Variants in NUP58 observed in about 807,000 individuals in gnomAD.
The protein encoded by NUP58 is nucleoporin 58.
NUP58 carries 17 observed loss-of-function variants against 70.1 expected under a neutral mutation model. The ratio of observed to expected loss-of-function variants is 0.24; its 90% CI spans 0.17 to 0.36. NUP58 has a LOEUF of 0.36. NUP58 is among the 10% of genes least tolerant of loss of function. NUP58 has a pLI of 1.00. For synonymous variants in NUP58, 275 were observed against 257.6 expected (o/e 1.07, Z -0.65); for missense variants, 644 against 701.5 (o/e 0.92, Z 0.93).
intron 2 of NUP58, among the ~76,000 whole-genome samples, chr13:25,308,381 G>A (rs556656877): frequency 9.9e-5 from 15 of 152,020 alleles, no homozygotes; most frequent in African/African-American, 3.1e-4. Context: ...GCTCACTGTA[G>A]CCTTGCAGCC....
chr13:25,321,006 A>G lies in NUP58; in HGVS notation c.864A>G (p.Lys288=). ...KAMLKVQEDI[K]ALKQLLSLAA... is the part of the protein sequence containing the mutation. ...TGCTTAAGGTACAAGAAGATATTAA[A>G]GCTCTGAAGCAGCTCCTGTCGTTGG... The change falls in exon 9 of 16, where the codon AAA becomes AAG. Residue 288 remains lysine, a synonymous_variant. Coordinates refer to ENST00000381736, the MANE Select transcript of NUP58 (RefSeq NM_014089.4). 6.2e-7 allele frequency: 1 copy of G among 1,600,286 alleles called. No homozygotes were observed. The highest frequency in any genetic ancestry group is 1.1e-5 in the South Asian group (1 of 87,844).
intron 3 of NUP58, among the ~76,000 whole-genome samples, chr13:25,311,353 GGTTTTTTGTTT>G (rs901959965): frequency 3.3e-5 from 5 of 151,874 alleles, no homozygotes; most frequent in Non-Finnish European, 5.9e-5. Context: ...TATTTGTGGG[GGTTTTTTGTTT>G]GTGTTTTCTT....
At chr13:25,348,922 C>G (rs2032078569) in intron 3 of NUP58, among the ~76,000 whole-genome samples, 1 of 152,148 alleles carries the variant, frequency 6.6e-6, no homozygotes, top group African/African-American at 2.4e-5. Flanking sequence ...CTACTTTTAC[C>G]AGTCCCTCCT....
chr13:25,325,191 A>T, intron 10 of NUP58, 123 bp downstream of exon 10: 3 of 664,484 alleles, frequency 4.5e-6, no homozygotes, highest in Non-Finnish European at 7.6e-6. Context: ...TAAGCACTTT[A>T]CATGGATTTT....
At chr13:25,318,998 A>C (rs571767314) in intron 6 of NUP58, among the ~76,000 whole-genome samples, 11 of 152,362 alleles carry the variant, frequency 7.2e-5, no homozygotes, top group African/African-American at 2.6e-4. Context: ...GTATATGTAC[A>C]TCTGCCATAT....
chr13:25,331,877 T>C, intron 13 of NUP58: 3 of 1,149,326 alleles, frequency 2.6e-6, no homozygotes, highest in South Asian at 4.5e-5. Context: ...GATTCTGAAA[T>C]CATGACTGTA....
chr13:25,347,868 T>G (rs558234100), intron 3 of NUP58, among the ~76,000 whole-genome samples: 6 of 152,174 alleles, frequency 3.9e-5, no homozygotes, highest in African/African-American at 1.4e-4. Context: ...AAAACAATAA[T>G]GTGCTGAGCA....
In NUP58 at chr13:25,309,277, C is replaced by T; in HGVS notation, c.281C>T (p.Thr94Ile). 1 of 1,606,170 alleles carries T rather than the reference C, an allele frequency of 6.2e-7. No homozygotes were observed. Among genetic ancestry groups the T allele is most frequent in the Non-Finnish European group, 8.5e-7 (1 of 1,173,972 alleles). The change falls in exon 3 of 16, where the codon ACT becomes ATT. Residue 94 changes from threonine to isoleucine, a missense_variant. This residue lies in a region of NUP58 where 430 missense variants were observed against 409.2 expected (regional missense o/e 1.05). Coordinates refer to ENST00000381736, the MANE Select transcript of NUP58 (RefSeq NM_014089.4). Reference sequence around the variant, plus strand: ...GCAACAACTATAACTACAGGATTAACTCTGGGTAAGAATTTTTGAGGAAAG... The same window carrying T: ...GCAACAACTATAACTACAGGATTAATTCTGGGTAAGAATTTTTGAGGAAAG... Reference protein sequence around the residue: ...GIATTITTGLTLGTPATTSAA... With the variant: ...GIATTITTGLILGTPATTSAA...
At chr13:25,314,048 A>G (rs1006394064) in intron 5 of NUP58, among the ~76,000 whole-genome samples, 13 of 152,102 alleles carry the variant, frequency 8.5e-5, no homozygotes, top group Admixed American at 3.3e-4. Flanking sequence ...CTCCTGCCTC[A>G]GCCTCCTGAG....
chr13:25,343,309 T>TA (rs2032001153), downstream of NUP58, among the ~76,000 whole-genome samples: 1 of 151,420 alleles, frequency 6.6e-6, no homozygotes, highest in African/African-American at 2.4e-5. Context: ...TTTTTTAAAT[T>TA]TTTATTTATT....
At chr13:25,338,820 A>G (rs1170591696) in intron 15 of NUP58, 89 bp downstream of exon 15, 4 of 1,086,198 alleles carry the variant, frequency 3.7e-6, no homozygotes, top group Admixed American at 2.1e-5. Context: ...CAGTAACCCA[A>G]AAAGTTCCCT....
At chr13:25,316,900 A>G (rs931619389) in intron 6 of NUP58, among the ~76,000 whole-genome samples, 2 of 152,218 alleles carry the variant, frequency 1.3e-5, no homozygotes, top group African/African-American at 4.8e-5. Context: ...AATGTCTTAG[A>G]TATGACATTA....
intron 14 of NUP58, 62 bp downstream of exon 14, chr13:25,337,096 GT>G: frequency 9.0e-7 from 1 of 1,112,082 alleles, no homozygotes; most frequent in East Asian, 2.7e-5. Flanking sequence ...ATACTAGCCT[GT>G]AAAAAAAAAT....
In NUP58 at chr13:25,320,562, C is replaced by A; in HGVS notation, c.743C>A (p.Pro248His). ...AAAGCTCTGAAGGATGAAAATCTACCTCCTGTCATCTGCCAGGATGTTGAA... is the reference window on the plus strand; with the variant it reads ...AAAGCTCTGAAGGATGAAAATCTACATCCTGTCATCTGCCAGGATGTTGAA... ...DSKALKDENL[P>H]PVICQDVENL... The change falls in exon 8 of 16, where the codon CCT becomes CAT. Residue 248 changes from proline to histidine, a missense_variant. Pro to His is a moderately conservative substitution (Grantham distance 77). Around this residue, in one of 4 missense-constraint regions of NUP58, gnomAD observed 430 missense variants for 409.2 expected, o/e 1.05. Transcript: ENST00000381736. 1 of 1,610,008 alleles carries A rather than the reference C, an allele frequency of 6.2e-7. No homozygotes were observed. Among genetic ancestry groups the A allele is most frequent in the Non-Finnish European group, 8.5e-7 (1 of 1,177,116 alleles).
chr13:25,303,183 T>C (rs2030118952), intron 1 of NUP58: 2 of 444,762 alleles, frequency 4.5e-6, no homozygotes, highest in Non-Finnish European at 8.9e-6. Context: ...TTCCCATTGC[T>C]CTCTCTTTAA....
intron 6 of NUP58, among the ~76,000 whole-genome samples, chr13:25,318,518 A>C (rs1404624025): frequency 6.6e-6 from 1 of 152,166 alleles, no homozygotes; most frequent in Non-Finnish European, 1.5e-5. Flanking sequence ...AAATTATGTA[A>C]ATGAGACAAA....
Position 25,319,338 on chromosome 13 carries a change from G to A in NUP58, c.698G>A (p.Gly233Glu), listed in dbSNP as rs778245101. The change falls in exon 7 of 16, where the codon GGA (glycine) becomes GAA (glutamate). Residue 233 changes from glycine to glutamate, a missense_variant. Physicochemically the swap from Gly to Glu is moderately conservative, Grantham distance 98. Coordinates refer to ENST00000381736, the MANE Select transcript of NUP58 (RefSeq NM_014089.4). ...TTGAATTTTCTAGGTGATAAAACGG[G>A]AACAAGACCAGAGTAAGTTTACAAA... ...SSSDKKSDKT[G>E]TRPEDSKALK... The A allele has an allele frequency of 1.2e-6, 2 of 1,612,728 alleles. No homozygotes were observed. The highest frequency in any genetic ancestry group is 8.5e-7 in the Non-Finnish European group (1 of 1,179,204).
At chr13:25,337,263 AG>A (rs1013479525) in intron 14 of NUP58, among the ~76,000 whole-genome samples, 3 of 152,170 alleles carry the variant, frequency 2.0e-5, no homozygotes, top group African/African-American at 7.2e-5. Flanking sequence ...ATTAAGTGGT[AG>A]GCATGTTCAT....
At position 25,301,813 on chromosome 13, in the gene NUP58, T is replaced by C; in HGVS notation, c.40T>C (p.Ser14Pro). 1 of 1,613,616 alleles carries C rather than the reference T, an allele frequency of 6.2e-7. No individual in the cohort carries two copies. The highest frequency in any genetic ancestry group is 1.3e-5 in the African/African-American group (1 of 75,042). ...GFSFGSGTLG[S>P]TTVAAGGTST... ...CTCCTTCGGGTCCGGGACTCTGGGC[T>C]CCACCACCGTGGCCGCCGGCGGGAC... The change falls in exon 1 of 16, where the codon TCC becomes CCC. Residue 14 changes from serine to proline, a missense_variant. Physicochemically the swap from Ser to Pro is moderately conservative, Grantham distance 74. Coordinates refer to ENST00000381736, the MANE Select transcript of NUP58 (RefSeq NM_014089.4).
Sources: allele counts gnomAD v4.1 joint callset (sites outside exome capture counted in the v4.1 genomes callset), GRCh38; gene constraint gnomAD v4.1.1; regional missense constraint gnomAD v4.1.1; transcripts MANE v1.5; gene names NCBI Gene and HGNC (gene_info 2026-07-23, HGNC 2026-07-21).